The following TGM3 variants were observed in gnomAD, a reference collection of about 807,000 sequenced individuals.
The protein encoded by TGM3 is transglutaminase 3, also known as protein-glutamine gamma-glutamyltransferase E.
In TGM3, 52 loss-of-function variants were observed where a neutral mutation model predicts 73.8. That is an observed-to-expected ratio of 0.70 (90% CI 0.56 to 0.89). The LOEUF is 0.89. TGM3 is among the 40% of genes least tolerant of loss of function. The pLI, the probability that TGM3 is intolerant of heterozygous loss-of-function variation, is 0.00. For synonymous variants in TGM3, 372 were observed against 354.9 expected, an observed-to-expected ratio of 1.05 and a Z score of -0.54; for missense variants, 928 against 909.9, an observed-to-expected ratio of 1.02 and a Z score of -0.26.
chr20:2,315,827 G>A lies in TGM3; in HGVS notation c.670-1241G>A, dbSNP rs377645142. Among the ~76,000 whole-genome samples the A allele has an allele frequency of 1.1e-4, 17 of 152,178 alleles. No homozygotes were observed. In the East Asian group the frequency reaches 2.1e-3, roughly 19 times the overall value. On this transcript the variant is annotated intron_variant, in intron 5 of 12. Coordinates refer to ENST00000381458, the MANE Select transcript of TGM3 (RefSeq NM_003245.4). ...AGACCTTTGTGCAATCATCAAGTTG[G>A]CAAGTGGCAAGGTGGGGCTTGTAAC...
rs764829628 is a variant in TGM3, at chr20:2,340,901, G to C, written c.*320G>C. ...GCAGGATGGACTGGCCCCTGACCCA[G>C]GGACTCTCCAAACGGGATACAGGAG... is the stretch of plus-strand genomic sequence containing the variant. On this transcript the variant is annotated 3_prime_UTR_variant, in exon 13 of 13. Coordinates refer to ENST00000381458, the MANE Select transcript of TGM3 (RefSeq NM_003245.4). 2.0e-5 allele frequency: 10 copies of C among 510,710 alleles called. No homozygotes were observed. Among genetic ancestry groups the C allele is most frequent in the Non-Finnish European group, 3.8e-5 (10 of 263,010 alleles). The allele number at this position is 510,710 out of a possible 1,614,324, so 31.6% of individuals were successfully genotyped here.
At chr20:2,296,666 A>G (rs2084109962) in intron 1 of TGM3, among the ~76,000 whole-genome samples, 1 of 152,142 alleles carries the variant, frequency 6.6e-6, no homozygotes, top group South Asian at 2.1e-4. Flanking sequence ...CCGTAGCAGG[A>G]GCAGGTGTGC....
At position 2,301,156 on chromosome 20, in the gene TGM3, G is replaced by T. The variant is rs537437672; in HGVS notation, c.7+5086G>T. ...GAAAATGTCATGATATGTGGGGGAA[G>T]TTAAAAGGAAATGACACAGGCTAGA... is the stretch of plus-strand genomic sequence containing the variant. On this transcript the variant is annotated intron_variant, in intron 1 of 12. Coordinates refer to ENST00000381458, the MANE Select transcript of TGM3 (RefSeq NM_003245.4). Among the ~76,000 whole-genome samples, 55 of 151,982 alleles carry T rather than the reference G, an allele frequency of 3.6e-4. No homozygotes were observed. In the South Asian group the frequency reaches 0.01, roughly 28 times the overall value.
intron 12 of TGM3, 49 bp from the exon 13 acceptor site, chr20:2,340,385 C>G: frequency 6.2e-7 from 1 of 1,608,498 alleles, no homozygotes; most frequent in Non-Finnish European, 8.5e-7. Flanking sequence ...CCGTCCAGCC[C>G]AAGGTCCGTG....
rs985651294 is a variant in TGM3 at position 2,307,899 on chromosome 20, C to G, written c.8-1758C>G. ...ATTTACCTAATTATCCTAATACAGT[C>G]AAGCAGTGTGCTAGGCATCAGAATA... is the stretch of plus-strand genomic sequence containing the variant. On this transcript the variant is annotated intron_variant, in intron 1 of 12. Coordinates refer to ENST00000381458, the MANE Select transcript of TGM3 (RefSeq NM_003245.4). 2.6e-5 allele frequency among the ~76,000 whole-genome samples: 4 copies of G among 152,122 alleles called. No individual in the cohort carries two copies. In the South Asian group the frequency reaches 8.3e-4, roughly 32 times the overall value.
In TGM3 at chr20:2,325,898, C is replaced by A; in HGVS notation, c.1033C>A (p.Pro345Thr). 2 of 1,590,756 alleles carry A rather than the reference C, an allele frequency of 1.3e-6. No homozygotes were observed. The highest frequency in any genetic ancestry group is 1.7e-6 in the Non-Finnish European group (2 of 1,167,542). The change falls in exon 8 of 13, where the codon CCC (proline) becomes ACC (threonine). Residue 345 changes from proline to threonine, a missense_variant. Pro to Thr is a conservative substitution (Grantham distance 38, BLOSUM62 -1). Transcript: ENST00000381458. ...EGWFVRSDLG[P>T]SYGGWQVLDA... is the part of the protein sequence containing the mutation. ...CTGGTTTGTGAGGTCTGACCTGGGC[C>A]CCTCGTACGGTGGATGGCAGGTGTT...
chr20:2,324,453 G>T (rs537405735), intron 7 of TGM3, among the ~76,000 whole-genome samples: 1 of 152,242 alleles, frequency 6.6e-6, no homozygotes, highest in South Asian at 2.1e-4. Context: ...TACCCCAGAC[G>T]CTGGATGTGT....
At position 2,335,250 on chromosome 20, in the gene TGM3, G is replaced by A; in HGVS notation, c.1777G>A (p.Asp593Asn). ...GGTGGTGGAGCGGGACATCATCCTGGACAACCCCACCTTGACCCTGGAGGT... is the reference window on the plus strand; with the variant it reads ...GGTGGTGGAGCGGGACATCATCCTGAACAACCCCACCTTGACCCTGGAGGT... Reference protein sequence around the residue: ...EVVVERDIILDNPTLTLEVLN... With the variant: ...EVVVERDIILNNPTLTLEVLN... The change falls in exon 11 of 13, where the codon GAC (aspartate) becomes AAC (asparagine). Residue 593 changes from aspartate (D) to asparagine (N), a missense_variant. Physicochemically the swap from Asp to Asn is conservative, Grantham distance 23. Transcript: ENST00000381458. The A allele has an allele frequency of 6.2e-7, 1 of 1,614,116 alleles. No individual in the cohort carries two copies. Among genetic ancestry groups the A allele is most frequent in the Non-Finnish European group, 8.5e-7 (1 of 1,180,008 alleles).
chr20:2,327,888 G>A (rs552755072), intron 8 of TGM3, among the ~76,000 whole-genome samples: 5 of 152,320 alleles, frequency 3.3e-5, no homozygotes, highest in Non-Finnish European at 5.9e-5. Flanking sequence ...TTAGGCGCCC[G>A]GAATGCGGAA....
At chr20:2,325,803 CTGTGTGGTCT>C in intron 7 of TGM3, 36 bp from the exon 8 acceptor site, 1 of 1,337,346 alleles carries the variant, frequency 7.5e-7, no homozygotes, top group African/African-American at 1.5e-5. Context: ...CACTCATCTG[CTGTGTGGTCT>C]TGGGCAAGCG....
chr20:2,339,267 C>G (rs1173330568), intron 11 of TGM3, among the ~76,000 whole-genome samples: 3 of 152,176 alleles, frequency 2.0e-5, no homozygotes, highest in African/African-American at 7.2e-5. Flanking sequence ...CCTGTGGGGC[C>G]TCCCAGAGAC....
chr20:2,312,298 G>A (rs2084208646), intron 4 of TGM3, among the ~76,000 whole-genome samples: 1 of 151,004 alleles, frequency 6.6e-6, no homozygotes. Flanking sequence ...TACTTGGGAG[G>A]CTGAGGCGGG....
chr20:2,299,665 CT>C (rs1249899361), intron 1 of TGM3, among the ~76,000 whole-genome samples: 2 of 152,218 alleles, frequency 1.3e-5, no homozygotes, highest in African/African-American at 4.8e-5. Flanking sequence ...GACTCCTCCC[CT>C]GCCTCCTTCC....
intron 7 of TGM3, 61 bp downstream of exon 7, chr20:2,317,546 A>G: frequency 3.1e-6 from 5 of 1,602,702 alleles, no homozygotes; most frequent in Non-Finnish European, 4.3e-6. Flanking sequence ...TCTCGCTCTC[A>G]CCATCCTTCT....
chr20:2,340,926 G>A lies in TGM3; in HGVS notation c.*345G>A, dbSNP rs767763516. On this transcript the variant is annotated 3_prime_UTR_variant, in exon 13 of 13. Transcript: ENST00000381458. The stretch of plus-strand genomic sequence containing the variant: ...GGGACTCTCCAAACGGGATACAGGA[G>A]AGAAGCTGGTCTAGACTGTTTGCTG... 5.8e-5 allele frequency: 28 copies of A among 485,962 alleles called. No homozygotes were observed. The highest frequency in any genetic ancestry group is 4.3e-4 in the African/African-American group (22 of 51,446). The allele number at this position is 485,962 out of a possible 1,614,324, so 30.1% of individuals were successfully genotyped here. A position where few individuals can be genotyped will look rare whatever the true frequency, so the allele number is the denominator to read the frequency against.
chr20:2,331,451 A>C (rs574529267), intron 9 of TGM3, among the ~76,000 whole-genome samples: 1 of 152,256 alleles, frequency 6.6e-6, no homozygotes, highest in East Asian at 1.9e-4. Context: ...TTGGAACCAC[A>C]CCGACCATGG....
At chr20:2,318,234 G>A (rs1387225682) in intron 7 of TGM3, among the ~76,000 whole-genome samples, 1 of 152,054 alleles carries the variant, frequency 6.6e-6, no homozygotes, top group African/African-American at 2.4e-5. Context: ...GGTCAGGCTG[G>A]TCTTGAACTC....
intron 1 of TGM3, among the ~76,000 whole-genome samples, chr20:2,297,495 C>A (rs45440896): frequency 0.31 from 46,936 of 151,984 alleles, 8,874 homozygotes; most frequent in South Asian, 0.42. Context: ...ACGTGCCCAG[C>A]CCCCAGGAAT....
At chr20:2,305,996 C>T (rs555292070) in intron 1 of TGM3, among the ~76,000 whole-genome samples, 5 of 152,326 alleles carry the variant, frequency 3.3e-5, no homozygotes, top group African/African-American at 1.2e-4. Flanking sequence ...AAATACCCCT[C>T]ATATTCTTCC....
Sources: allele counts gnomAD v4.1 joint callset (sites outside exome capture counted in the v4.1 genomes callset), GRCh38; gene constraint gnomAD v4.1.1; transcripts MANE v1.5; gene names NCBI Gene and HGNC (gene_info 2026-07-23, HGNC 2026-07-21).